SNX10: variants seen among roughly 807,000 people sequenced by gnomAD.
SNX10 encodes sorting nexin 10.
Under a neutral mutation model 28.5 loss-of-function variants are expected in SNX10, and 25 were observed. That is an observed-to-expected ratio of 0.88 (90% CI 0.64 to 1.22). SNX10 has a LOEUF of 1.22. SNX10 is among the 50% of genes most tolerant of loss of function. The pLI, the probability that SNX10 is intolerant of heterozygous loss-of-function variation, is 0.00. For synonymous variants in SNX10, 62 were observed against 81.4 expected, an observed-to-expected ratio of 0.76 and a Z score of 1.28; for missense variants, 223 against 242.6, an observed-to-expected ratio of 0.92 and a Z score of 0.54.
intron 1 of SNX10, among the ~76,000 whole-genome samples, chr7:26,309,064 ATAT>A: frequency 6.6e-6 from 1 of 152,232 alleles, no homozygotes; most frequent in East Asian, 1.9e-4. Flanking sequence ...CCCCCTTGTG[ATAT>A]TCTGCCAGCA....
At chr7:26,339,273 A>T (rs1788076478) in intron 1 of SNX10, among the ~76,000 whole-genome samples, 1 of 152,268 alleles carries the variant, frequency 6.6e-6, no homozygotes, top group African/African-American at 2.4e-5. Flanking sequence ...TAATTTTGCA[A>T]AGGCGGTTTC....
At chr7:26,367,524 G>C (rs1016981980) in intron 5 of SNX10, among the ~76,000 whole-genome samples, 1 of 152,190 alleles carries the variant, frequency 6.6e-6, no homozygotes, top group African/African-American at 2.4e-5. Context: ...AGGAAGTGAG[G>C]AGTCAAATAC....
intron 3 of SNX10, 73 bp downstream of exon 3, chr7:26,361,134 C>T: frequency 6.9e-7 from 1 of 1,444,290 alleles, no homozygotes; most frequent in East Asian, 2.5e-5. Flanking sequence ...ATAAAGTTGA[C>T]ACTTGTAAAA....
intron 1 of SNX10, among the ~76,000 whole-genome samples, chr7:26,327,776 C>A (rs574060865): frequency 2.4e-4 from 32 of 132,848 alleles, no homozygotes; most frequent in African/African-American, 8.5e-4. Context: ...ATCCCCCAGG[C>A]TGGTGTACAG....
chr7:26,309,974 A>AT (rs917340208), intron 1 of SNX10, among the ~76,000 whole-genome samples: 5 of 151,990 alleles, frequency 3.3e-5, no homozygotes, highest in Non-Finnish European at 7.4e-5. Context: ...ATAGTAAACA[A>AT]TTTTTTTTGG....
At chr7:26,328,591 A>C (rs985089005) in intron 1 of SNX10, among the ~76,000 whole-genome samples, 4 of 152,166 alleles carry the variant, frequency 2.6e-5, no homozygotes, top group Admixed American at 2.6e-4. Context: ...AAGTGCCCTG[A>C]TTAAAGTGGA....
chr7:26,345,975 G>A (rs1473148003), intron 1 of SNX10, among the ~76,000 whole-genome samples: 1 of 152,170 alleles, frequency 6.6e-6, no homozygotes, highest in Non-Finnish European at 1.5e-5. Context: ...AGTAATATAA[G>A]TGTCACAGGA....
rs376078524 is a variant in SNX10, at chr7:26,361,579, G to A, written c.111+518G>A. Among the ~76,000 whole-genome samples, 8 of 152,312 alleles carry A rather than the reference G, an allele frequency of 5.3e-5. No individual in the cohort carries two copies. The South Asian group carries it at 6.2e-4, about 12-fold the overall frequency. ...AGCAACTAGAAATGATGTGCCTTGC[G>A]TGGATGCTACTGTATCACAATCTCT... On this transcript the variant is annotated intron_variant, in intron 3 of 6. Transcript: ENST00000338523.
At chr7:26,324,269 G>A (rs1787413119) in intron 1 of SNX10, among the ~76,000 whole-genome samples, 1 of 151,906 alleles carries the variant, frequency 6.6e-6, no homozygotes, top group Non-Finnish European at 1.5e-5. Flanking sequence ...ATGTGTGTGA[G>A]AAAAAAACCG....
intron 1 of SNX10, among the ~76,000 whole-genome samples, chr7:26,304,544 A>T (rs1294813500): frequency 6.6e-6 from 1 of 152,098 alleles, no homozygotes; most frequent in Non-Finnish European, 1.5e-5. Context: ...GGCAGATGGG[A>T]GAGGGTCAGG....
intron 1 of SNX10, among the ~76,000 whole-genome samples, chr7:26,313,856 T>G (rs1249605613): frequency 6.6e-6 from 1 of 152,220 alleles, no homozygotes; most frequent in Non-Finnish European, 1.5e-5. Context: ...CAGGCTGAAG[T>G]GCAGTGGAGG....
intron 1 of SNX10, among the ~76,000 whole-genome samples, chr7:26,343,658 G>A (rs929013045): frequency 4.6e-5 from 7 of 152,214 alleles, no homozygotes; most frequent in Admixed American, 2.0e-4. Flanking sequence ...AAGGGTGAAA[G>A]TATGAGGGTA....
At chr7:26,360,839 G>GT (rs2128021749) in intron 2 of SNX10, 136 bp from the exon 3 acceptor site, 1 of 1,466,202 alleles carries the variant, frequency 6.8e-7, no homozygotes, top group African/African-American at 1.4e-5. Flanking sequence ...TTTACTTCTT[G>GT]TTTTTTAAAG....
At chr7:26,323,610 G>A (rs968612514) in intron 1 of SNX10, among the ~76,000 whole-genome samples, 1 of 152,122 alleles carries the variant, frequency 6.6e-6, no homozygotes, top group African/African-American at 2.4e-5. Flanking sequence ...GGGATTTACC[G>A]TTTATTTCTT....
At chr7:26,296,488 C>A (rs978829096) in intron 1 of SNX10, among the ~76,000 whole-genome samples, 5 of 152,068 alleles carry the variant, frequency 3.3e-5, no homozygotes, top group Admixed American at 3.3e-4. Flanking sequence ...TATACTCCAG[C>A]CTCGGTGACA....
At chr7:26,360,824 T>G (rs1475949103) in intron 2 of SNX10, 151 bp from the exon 3 acceptor site, 1 of 1,454,992 alleles carries the variant, frequency 6.9e-7, no homozygotes, top group Non-Finnish European at 9.0e-7. Context: ...GCCTGATTCA[T>G]TAACTTTACT....
Position 26,364,197 on chromosome 7 carries a change from T to C in SNX10, c.112-338T>C, listed in dbSNP as rs1789200296. 2.4e-6 allele frequency: 1 copy of C among 420,512 alleles called. No individual in the cohort carries two copies. Among genetic ancestry groups the C allele is most frequent in the Non-Finnish European group, 3.2e-6 (1 of 309,646 alleles). The allele number at this position is 420,512 out of a possible 1,614,324, so 26.0% of individuals were successfully genotyped here. A position where few individuals can be genotyped will look rare whatever the true frequency, so the allele number is the denominator to read the frequency against. ...TAAAATGCAACGGATGAACCTGAGC[T>C]CCTACCTGTCATTTATATGTTAGGA... On this transcript the variant is annotated intron_variant, in intron 3 of 6. Coordinates refer to ENST00000338523, the MANE Select transcript of SNX10 (RefSeq NM_013322.3). The surrounding 1 kb of genome is among the most constrained non-coding windows in gnomAD (Gnocchi z 4.9).
At chr7:26,370,288 T>G (rs181069442) in intron 5 of SNX10, 4 of 152,234 alleles carry the variant, frequency 2.6e-5, no homozygotes, top group African/African-American at 9.6e-5. Context: ...TATTTGTAAA[T>G]GTAGAAAATA....
Position 26,319,582 on chromosome 7 carries a change from T to C in SNX10, c.-23-26838T>C, listed in dbSNP as rs533405668. ...AGCATCTGATATCATTACAAACATA[T>C]TGGTCTGGGCTTAGCTTGCTTCTAG... On this transcript the variant is annotated intron_variant, in intron 1 of 6. Transcript: ENST00000338523. 1.1e-4 allele frequency among the ~76,000 whole-genome samples: 17 copies of C among 152,326 alleles called. No homozygotes were observed. In the South Asian group the frequency reaches 3.5e-3, roughly 32 times the overall value.
Sources: allele counts gnomAD v4.1 joint callset (sites outside exome capture counted in the v4.1 genomes callset), GRCh38; gene constraint gnomAD v4.1.1; non-coding constraint Gnocchi (gnomAD v3.1); transcripts MANE v1.5; gene names NCBI Gene and HGNC (gene_info 2026-07-23, HGNC 2026-07-21).